SLC16A2: variants seen among roughly 807,000 people sequenced by gnomAD.
The protein encoded by SLC16A2 is monocarboxylate transporter 8.
A neutral mutation model predicts 27.2 loss-of-function variants in SLC16A2; 3 were observed. The observed-to-expected ratio is 0.11, with a 90% CI of 0.05 to 0.28. The LOEUF is 0.28. Ranked by LOEUF, SLC16A2 falls within the 10% of genes least tolerant of loss-of-function variation. The pLI is 1.00. For missense variants in SLC16A2, 295 were observed against 458.5 expected, an observed-to-expected ratio of 0.64 and a Z score of 3.26; for synonymous variants, 202 against 187.8, an observed-to-expected ratio of 1.08 and a Z score of -0.62.
intron 1 of SLC16A2, among the ~76,000 whole-genome samples, chrX:74,514,671 C>T (rs1930288519): frequency 9.0e-6 from 1 of 111,685 alleles, no homozygotes; most frequent in Non-Finnish European, 1.9e-5. Context: ...TCAGTGAAAG[C>T]CAAGTAGGAA....
At chrX:74,431,595 C>A (rs1928535425) in intron 1 of SLC16A2, among the ~76,000 whole-genome samples, 2 of 111,903 alleles carry the variant, frequency 1.8e-5, no homozygotes, top group Non-Finnish European at 3.8e-5. Flanking sequence ...TGTAACAAAC[C>A]TGTACATGTA....
At chrX:74,452,938 C>T (rs1380532038) in intron 1 of SLC16A2, among the ~76,000 whole-genome samples, 2 of 111,416 alleles carry the variant, frequency 1.8e-5, no homozygotes, top group Admixed American at 9.6e-5. Flanking sequence ...GGTAGAATCT[C>T]ACAACTTGGT....
chrX:74,433,311 G>T (rs1490160015), intron 1 of SLC16A2, among the ~76,000 whole-genome samples: 2 of 109,304 alleles, frequency 1.8e-5, no homozygotes, highest in African/African-American at 3.3e-5. Flanking sequence ...AGCAGAGGCT[G>T]CAGTGAGCCA....
chrX:74,448,739 G>A (rs1233497183), intron 1 of SLC16A2, among the ~76,000 whole-genome samples: 5 of 111,604 alleles, frequency 4.5e-5, no homozygotes, highest in South Asian at 3.8e-4. Context: ...TTCTTGTGCC[G>A]AGGGAGCTGG....
chrX:74,425,399 T>C (rs1446729012), intron 1 of SLC16A2, among the ~76,000 whole-genome samples: 2 of 110,984 alleles, frequency 1.8e-5, no homozygotes, highest in East Asian at 2.8e-4. Context: ...AAAAGGTCCC[T>C]GAGAGGGAGG....
chrX:74,422,902 C>T (rs770897828), intron 1 of SLC16A2, among the ~76,000 whole-genome samples: 45 of 112,976 alleles, frequency 4.0e-4, no homozygotes, highest in African/African-American at 1.4e-3. Flanking sequence ...CAACCCGCGC[C>T]TCTCTGCTAC....
chrX:74,424,546 G>A (rs1042255081), intron 1 of SLC16A2, among the ~76,000 whole-genome samples: 5 of 111,871 alleles, frequency 4.5e-5, no homozygotes, highest in African/African-American at 1.6e-4. Flanking sequence ...TGTCTCAAAG[G>A]GATAGAAGAA....
intron 1 of SLC16A2, among the ~76,000 whole-genome samples, chrX:74,451,996 A>G (rs1297030411): frequency 1.8e-5 from 2 of 112,794 alleles, no homozygotes; most frequent in African/African-American, 6.4e-5. Context: ...TATTTCGAGA[A>G]GGGAAAAGTT....
At chrX:74,522,882 C>G (rs1021523586) in intron 2 of SLC16A2, among the ~76,000 whole-genome samples, 1 of 111,974 alleles carries the variant, frequency 8.9e-6, no homozygotes, top group Non-Finnish European at 1.9e-5. Flanking sequence ...TCCAAATCAT[C>G]CTTCCTGTTG....
chrX:74,473,734 G>C, intron 1 of SLC16A2: 1 of 923,196 alleles, frequency 1.1e-6, no homozygotes, highest in Admixed American at 2.2e-5. Flanking sequence ...TTGCATTCAT[G>C]GCTGCATCCA....
chrX:74,455,368 A>G (rs1260282156), intron 1 of SLC16A2, among the ~76,000 whole-genome samples: 2 of 111,671 alleles, frequency 1.8e-5, no homozygotes, highest in Non-Finnish European at 3.8e-5. Context: ...GTAAGATTAT[A>G]TAAGTGAGCT....
At chrX:74,453,099 G>A (rs1014485525) in intron 1 of SLC16A2, among the ~76,000 whole-genome samples, 3 of 106,858 alleles carry the variant, frequency 2.8e-5, no homozygotes, top group Admixed American at 1.0e-4. Flanking sequence ...CCAGGCTGGA[G>A]TGCAGTGGTA....
At chrX:74,438,410 C>T (rs150521452) in intron 1 of SLC16A2, among the ~76,000 whole-genome samples, 6 of 113,220 alleles carry the variant, frequency 5.3e-5, no homozygotes, top group Admixed American at 4.6e-4. Flanking sequence ...TGCTTATGCA[C>T]GTATAGCCAG....
intron 1 of SLC16A2, among the ~76,000 whole-genome samples, chrX:74,510,892 A>C (rs906252854): frequency 1.9e-5 from 2 of 102,636 alleles, no homozygotes; most frequent in Non-Finnish European, 3.9e-5. Context: ...TCGCTTCAAA[A>C]ACTTAAAAAA....
intron 1 of SLC16A2, among the ~76,000 whole-genome samples, chrX:74,429,214 T>C (rs1156493681): frequency 9.0e-6 from 1 of 111,408 alleles, no homozygotes; most frequent in Non-Finnish European, 1.9e-5. Flanking sequence ...AAGCCTGTAA[T>C]CCCAGCATTT....
intron 1 of SLC16A2, chrX:74,473,016 T>C: frequency 2.0e-6 from 1 of 502,367 alleles, no homozygotes; most frequent in Non-Finnish European, 3.6e-6. Context: ...GTTTCCTAAT[T>C]AAAATCTTCT....
chrX:74,435,545 A>ATGTG (rs751781332), intron 1 of SLC16A2, among the ~76,000 whole-genome samples: 1 of 88,485 alleles, frequency 1.1e-5, no homozygotes, highest in Non-Finnish European at 2.1e-5. Flanking sequence ...ATGTATATAT[A>ATGTG]TATATATATT....
intron 1 of SLC16A2, among the ~76,000 whole-genome samples, chrX:74,463,941 C>CCCT (rs1339771489): frequency 8.9e-6 from 1 of 112,374 alleles, no homozygotes; most frequent in African/African-American, 3.2e-5. Flanking sequence ...GTTCATCCCT[C>CCCT]CCTCCACCAC....
intron 1 of SLC16A2, among the ~76,000 whole-genome samples, chrX:74,490,409 T>C (rs182249770): frequency 7.3e-5 from 8 of 109,236 alleles, no homozygotes; most frequent in Non-Finnish European, 1.3e-4. Flanking sequence ...CTGGGGCTTT[T>C]GTGGAGTGGG....
Sources: gnomAD v4.1 joint callset for allele counts (sites outside exome capture counted in the v4.1 genomes callset) on GRCh38, gnomAD v4.1.1 for gene constraint, MANE v1.5 for transcripts, NCBI Gene and HGNC (gene_info 2026-07-23, HGNC 2026-07-21) for gene names.